Variants in RANBP2 observed in about 807,000 individuals in gnomAD.
The protein encoded by RANBP2 is E3 SUMO-protein ligase RanBP2.
A neutral mutation model predicts 303.6 loss-of-function variants in RANBP2; 57 were observed. That is an observed-to-expected ratio of 0.19 (90% CI 0.15 to 0.23). RANBP2 has a LOEUF of 0.23. RANBP2 is among the 10% of genes least tolerant of loss of function. The pLI is 1.00. For synonymous variants in RANBP2, 1,167 were observed against 1,301.5 expected (o/e 0.90, Z 2.23); for missense variants, 3,138 against 3,780.8 (o/e 0.83, Z 4.46).
chr2:109,391,384 G>A, the RANBP2 span, among the ~76,000 whole-genome samples: 291 of 152,358 alleles, frequency 1.9e-3, 1 homozygote, highest in African/African-American at 6.7e-3. Flanking sequence ...GCCATGTGCT[G>A]GAGGGATGCA....
the RANBP2 span, among the ~76,000 whole-genome samples, chr2:109,513,625 A>G: frequency 6.6e-6 from 1 of 152,174 alleles, no homozygotes; most frequent in African/African-American, 2.4e-5. Flanking sequence ...ACATGCGCAC[A>G]CATCACTTGC....
At chr2:109,428,245 A>T in the RANBP2 span, among the ~76,000 whole-genome samples, 2 of 152,190 alleles carry the variant, frequency 1.3e-5, no homozygotes, top group Admixed American at 6.5e-5. Context: ...GCAAGCCACC[A>T]TCTAGAGGAG....
chr2:109,420,506 C>T, the RANBP2 span, among the ~76,000 whole-genome samples: 4 of 152,090 alleles, frequency 2.6e-5, no homozygotes, highest in Admixed American at 1.3e-4. Context: ...AGTGCAATGG[C>T]GCGATCCCGG....
the RANBP2 span, among the ~76,000 whole-genome samples, chr2:109,628,919 C>T: frequency 6.6e-6 from 1 of 151,962 alleles, no homozygotes; most frequent in East Asian, 1.9e-4. Flanking sequence ...AAATGTCTAA[C>T]TAGGCTGGGT....
the RANBP2 span, among the ~76,000 whole-genome samples, chr2:108,886,763 T>C: frequency 6.6e-6 from 1 of 152,122 alleles, no homozygotes; most frequent in African/African-American, 2.4e-5. Flanking sequence ...ACTGTGGAGC[T>C]GTTTGAGTTC....
At chr2:109,165,707 C>T in the RANBP2 span, among the ~76,000 whole-genome samples, 3 of 152,286 alleles carry the variant, frequency 2.0e-5, no homozygotes, top group South Asian at 2.1e-4. Context: ...GTGGTATGGA[C>T]GAGTGGGGAG....
the RANBP2 span, among the ~76,000 whole-genome samples, chr2:109,740,489 T>C: frequency 6.6e-6 from 1 of 152,216 alleles, no homozygotes; most frequent in Non-Finnish European, 1.5e-5. Context: ...AATTGACATC[T>C]AGAGACTACT....
the RANBP2 span, among the ~76,000 whole-genome samples, chr2:109,195,910 A>G: frequency 1.3e-5 from 2 of 152,170 alleles, no homozygotes; most frequent in African/African-American, 4.8e-5. Flanking sequence ...GGGTTGCATT[A>G]TCTCATTACT....
the RANBP2 span, among the ~76,000 whole-genome samples, chr2:108,894,116 T>TAACC: frequency 1.3e-5 from 2 of 152,162 alleles, no homozygotes; most frequent in African/African-American, 4.8e-5. Context: ...GACCCCCTAC[T>TAACC]AACCCCCGAG....
chr2:109,359,465 C>T, the RANBP2 span, among the ~76,000 whole-genome samples: 1 of 152,020 alleles, frequency 6.6e-6, no homozygotes, highest in Admixed American at 6.6e-5. Context: ...TTTAATTTTC[C>T]CTATATACAT....
chr2:108,876,283 GGTGCTTATTTATAAAC>G, the RANBP2 span: 2 of 1,277,518 alleles, frequency 1.6e-6, no homozygotes, highest in Non-Finnish European at 2.1e-6. Context: ...TAGTATATGT[GGTGCTTATTTATAAAC>G]ATGTAGAAAT....
chr2:109,437,163 C>G, the RANBP2 span: 1 of 1,598,616 alleles, frequency 6.3e-7, no homozygotes, highest in African/African-American at 1.3e-5. Context: ...TCACAGGGGC[C>G]TCACCCTGCA....
the RANBP2 span, among the ~76,000 whole-genome samples, chr2:109,657,714 G>GTTTTTTTTTTT: frequency 1.2e-5 from 1 of 82,230 alleles, no homozygotes; most frequent in Non-Finnish European, 2.2e-5. Context: ...AATTAGCTGA[G>GTTTTTTTTTTT]TTTTTTTTTT....
At chr2:109,121,302 GA>G in the RANBP2 span, among the ~76,000 whole-genome samples, 4 of 151,474 alleles carry the variant, frequency 2.6e-5, no homozygotes, top group Non-Finnish European at 5.9e-5. Flanking sequence ...AACAAGAAGT[GA>G]AGTTCTACCT....
the RANBP2 span, among the ~76,000 whole-genome samples, chr2:109,526,230 G>A: frequency 6.6e-6 from 1 of 152,130 alleles, no homozygotes; most frequent in African/African-American, 2.4e-5. Flanking sequence ...CCTTTCTTGG[G>A]TTTAAGCCCA....
At chr2:109,614,324 G>C in the RANBP2 span, 1 of 638,064 alleles carries the variant, frequency 1.6e-6, no homozygotes, top group East Asian at 4.1e-5. Context: ...TGTCCGCCCG[G>C]GCGCGGCCCA....
chr2:109,079,548 A>G, the RANBP2 span, among the ~76,000 whole-genome samples: 1 of 152,248 alleles, frequency 6.6e-6, no homozygotes, highest in African/African-American at 2.4e-5. Context: ...AAAATATTTT[A>G]AAAACAAACC....
chr2:109,625,048 T>C, the RANBP2 span, among the ~76,000 whole-genome samples: 1 of 127,628 alleles, frequency 7.8e-6, no homozygotes, highest in South Asian at 2.4e-4. Flanking sequence ...ACCACTGCAC[T>C]CCAGCCCTGG....
At chr2:109,054,948 T>C in the RANBP2 span, among the ~76,000 whole-genome samples, 1 of 152,202 alleles carries the variant, frequency 6.6e-6, no homozygotes, top group South Asian at 2.1e-4. Flanking sequence ...GCAGTCCTTT[T>C]TATTGCTAAG....
Sources: gnomAD v4.1 joint callset for allele counts (sites outside exome capture counted in the v4.1 genomes callset) on GRCh38, gnomAD v4.1.1 for gene constraint, MANE v1.5 for transcripts, NCBI Gene and HGNC (gene_info 2026-07-23, HGNC 2026-07-21) for gene names.